The following KRABD4 variants were observed in gnomAD, a reference collection of about 807,000 sequenced individuals.
KRABD4 encodes KRAB domain-containing protein 4.
chrX:46,449,555 A>G, the KRABD4 span, among the ~76,000 whole-genome samples: 1 of 112,653 alleles, frequency 8.9e-6, no homozygotes, highest in African/African-American at 3.2e-5. Flanking sequence ...GCATTTTAAT[A>G]AATCCTCTGA....
chrX:46,460,782 C>G, the KRABD4 span, among the ~76,000 whole-genome samples: 1 of 109,016 alleles, frequency 9.2e-6, no homozygotes, highest in Non-Finnish European at 1.9e-5. Context: ...CCACCACACC[C>G]AGCCACAGTG....
the KRABD4 span, among the ~76,000 whole-genome samples, chrX:46,462,031 C>T: frequency 3.6e-5 from 4 of 111,867 alleles, no homozygotes; most frequent in East Asian, 8.4e-4. Context: ...TCAATCTTTA[C>T]TTCACAGGAC....
chrX:46,447,832 T>C, the KRABD4 span, among the ~76,000 whole-genome samples: 1 of 111,324 alleles, frequency 9.0e-6, no homozygotes, highest in Non-Finnish European at 1.9e-5. Flanking sequence ...GCTTCGTTTA[T>C]CATGTTTATT....
chrX:46,469,081 C>T, the KRABD4 span, among the ~76,000 whole-genome samples: 1 of 112,139 alleles, frequency 8.9e-6, no homozygotes, highest in Non-Finnish European at 1.9e-5. Context: ...GATACACAAC[C>T]TGTACCACAT....
At chrX:46,470,903 T>C in the KRABD4 span, among the ~76,000 whole-genome samples, 31,365 of 110,003 alleles carry the variant, frequency 0.29, 4,217 homozygotes, top group East Asian at 0.59. Context: ...TACAAGTTTG[T>C]TTTAAGACCC....
the KRABD4 span, chrX:46,462,435 G>A: frequency 6.1e-5 from 15 of 246,919 alleles, no homozygotes; most frequent in South Asian, 3.1e-4. Context: ...GCTTGAACCC[G>A]GGAGGCAGAG....
At chrX:46,472,446 A>C in the KRABD4 span, 1 of 252,640 alleles carries the variant, frequency 4.0e-6, no homozygotes, top group African/African-American at 2.8e-5. Flanking sequence ...GCAAAGCCAC[A>C]CAGCTTCAAT....
At chrX:46,463,350 A>G in the KRABD4 span, 2 of 1,125,206 alleles carry the variant, frequency 1.8e-6, no homozygotes, top group Non-Finnish European at 2.4e-6. Context: ...GGTTGGTGAG[A>G]GCTTGGCCTC....
At chrX:46,471,482 A>G in the KRABD4 span, among the ~76,000 whole-genome samples, 1 of 107,758 alleles carries the variant, frequency 9.3e-6, no homozygotes, top group South Asian at 4.2e-4. Context: ...GAATGAATAC[A>G]TTATTATTAA....
chrX:46,447,438 G>C, the KRABD4 span: 1 of 111,192 alleles, frequency 9.0e-6, no homozygotes, highest in South Asian at 3.8e-4. Flanking sequence ...CGCCTTTGTG[G>C]GTGACAGGGT....
At chrX:46,455,367 A>G in the KRABD4 span, 1 of 481,773 alleles carries the variant, frequency 2.1e-6, no homozygotes, top group Non-Finnish European at 3.7e-6. Flanking sequence ...AGTCCTATTC[A>G]TCCTCCTCAG....
the KRABD4 span, chrX:46,472,938 T>C: frequency 8.3e-7 from 1 of 1,211,759 alleles, no homozygotes; most frequent in Non-Finnish European, 1.1e-6. Context: ...TAAATATTAT[T>C]CGTGGGAAAA....
the KRABD4 span, chrX:46,462,302 G>A: frequency 6.9e-6 from 1 of 145,974 alleles, no homozygotes; most frequent in African/African-American, 3.1e-5. Flanking sequence ...ACAAGGTCAG[G>A]AGTTCGAGAC....
the KRABD4 span, chrX:46,455,166 T>C: frequency 1.1e-6 from 1 of 951,576 alleles, no homozygotes; most frequent in Non-Finnish European, 1.5e-6. Context: ...GATCACTAAG[T>C]AGAAGTTATA....
chrX:46,471,724 T>C, the KRABD4 span, among the ~76,000 whole-genome samples: 423 of 112,371 alleles, frequency 3.8e-3, 4 homozygotes, highest in African/African-American at 0.013. Flanking sequence ...TGGAATCATA[T>C]AGTATGTAGC....
the KRABD4 span, chrX:46,463,465 G>A: frequency 2.9e-5 from 15 of 523,341 alleles, no homozygotes; most frequent in South Asian, 5.1e-5. Flanking sequence ...CTGCCTGGCC[G>A]CCGGTTACAG....
the KRABD4 span, chrX:46,463,226 C>A: frequency 8.3e-7 from 1 of 1,211,826 alleles, no homozygotes; most frequent in Non-Finnish European, 1.1e-6. Flanking sequence ...CAGATGTGAT[C>A]TTCAGGTTGG....
At chrX:46,472,886 T>C in the KRABD4 span, 1 of 1,211,466 alleles carries the variant, frequency 8.3e-7, no homozygotes, top group Non-Finnish European at 1.1e-6. Flanking sequence ...GAAAAAGCAT[T>C]TATCTGAGCA....
chrX:46,454,808 AAAAC>A, the KRABD4 span, among the ~76,000 whole-genome samples: 1 of 111,985 alleles, frequency 8.9e-6, no homozygotes, highest in Non-Finnish European at 1.9e-5. Context: ...CAAAAAAACA[AAAAC>A]AAACAACAAT....
Sources: allele counts gnomAD v4.1 joint callset (sites outside exome capture counted in the v4.1 genomes callset), GRCh38; gene constraint gnomAD v4.1.1; transcripts MANE v1.5; gene names NCBI Gene and HGNC (gene_info 2026-07-23, HGNC 2026-07-21).